MARCHF1: variants seen among roughly 807,000 people sequenced by gnomAD.
MARCHF1 encodes E3 ubiquitin-protein ligase MARCHF1.
MARCHF1 carries 40 observed loss-of-function variants against 54.2 expected under a neutral mutation model. The ratio of observed to expected loss-of-function variants is 0.74; its 90% CI spans 0.57 to 0.96. The LOEUF (loss-of-function observed/expected upper bound fraction) is 0.96. Ranked by LOEUF, MARCHF1 falls within the 40% of genes least tolerant of loss-of-function variation. MARCHF1 has a pLI of 0.00. For synonymous variants in MARCHF1, 236 were observed against 236.3 expected (o/e 1.00, Z 0.01); for missense variants, 586 against 656.5 (o/e 0.89, Z 1.17).
chr4:164,206,400 G>C (rs879711678), intron 1 of MARCHF1, among the ~76,000 whole-genome samples: 1 of 152,150 alleles, frequency 6.6e-6, no homozygotes, highest in Non-Finnish European at 1.5e-5. Context: ...TCATGCCATT[G>C]TACTCCAGCC....
chr4:163,648,459 C>T (rs1742840240), intron 5 of MARCHF1, among the ~76,000 whole-genome samples: 2 of 151,660 alleles, frequency 1.3e-5, no homozygotes, highest in Admixed American at 6.6e-5. Context: ...GTTTCTTAAA[C>T]ATTTGAATAA....
chr4:163,828,204 T>C (rs1049396363), intron 4 of MARCHF1, among the ~76,000 whole-genome samples: 3 of 152,202 alleles, frequency 2.0e-5, no homozygotes, highest in Middle Eastern at 3.2e-3. Context: ...ATTAGATTGG[T>C]GCAAAAGTAA....
intron 4 of MARCHF1, among the ~76,000 whole-genome samples, chr4:163,811,010 T>C (rs1305609846): frequency 1.3e-5 from 2 of 152,168 alleles, no homozygotes; most frequent in Admixed American, 1.3e-4. Flanking sequence ...TTGGGTTAGC[T>C]TAAGAAGTTT....
intron 5 of MARCHF1, among the ~76,000 whole-genome samples, chr4:163,653,022 A>G (rs1366152352): frequency 1.3e-5 from 2 of 151,818 alleles, no homozygotes; most frequent in African/African-American, 2.4e-5. Flanking sequence ...AAAAAAGAAA[A>G]TGCATCAGGT....
At chr4:163,987,333 A>C (rs1015786073) in intron 3 of MARCHF1, among the ~76,000 whole-genome samples, 1 of 152,222 alleles carries the variant, frequency 6.6e-6, no homozygotes, top group Non-Finnish European at 1.5e-5. Context: ...AATCTCCCAA[A>C]GTTATCTACA....
intron 1 of MARCHF1, among the ~76,000 whole-genome samples, chr4:164,212,857 G>T (rs1392576438): frequency 6.6e-6 from 1 of 151,974 alleles, no homozygotes; most frequent in African/African-American, 2.4e-5. Context: ...CCAAGGTATT[G>T]TGTTTATGCA....
chr4:163,896,098 T>G (rs1385609439), intron 3 of MARCHF1, among the ~76,000 whole-genome samples: 19 of 152,230 alleles, frequency 1.2e-4, no homozygotes, highest in Admixed American at 1.2e-3. Context: ...ACACTTTCAT[T>G]TTTTTCACTG....
chr4:164,053,767 T>A (rs562330218), intron 2 of MARCHF1, among the ~76,000 whole-genome samples: 2 of 152,328 alleles, frequency 1.3e-5, no homozygotes, highest in African/African-American at 4.8e-5. Context: ...ACAAACTATA[T>A]CCAGAGTTGG....
chr4:164,026,267 G>C lies in MARCHF1; in HGVS notation c.-247-37558C>G, dbSNP rs185498547. Among the ~76,000 whole-genome samples the C allele has an allele frequency of 9.2e-5, 14 of 152,054 alleles. No individual in the cohort carries two copies. The East Asian group carries it at 2.7e-3, about 29-fold the overall frequency. On this transcript the variant is annotated intron_variant, in intron 2 of 9. Coordinates refer to ENST00000514618, the MANE Select transcript of MARCHF1 (RefSeq NM_001394959.1). ...AACATCAGCTTGATACCAAAATCTG[G>C]CAGAGACACAGTGAAAAAGAAAACT...
chr4:163,719,654 A>G (rs1745380281), intron 4 of MARCHF1, among the ~76,000 whole-genome samples: 1 of 151,750 alleles, frequency 6.6e-6, no homozygotes, highest in East Asian at 1.9e-4. Context: ...CCAACAGTGT[A>G]AAAGTGTTCC....
chr4:163,968,068 A>AT (rs1207857057), intron 3 of MARCHF1, among the ~76,000 whole-genome samples: 1 of 152,144 alleles, frequency 6.6e-6, no homozygotes, highest in Non-Finnish European at 1.5e-5. Flanking sequence ...ATTCATAAAA[A>AT]TTTCCCCTGC....
At chr4:164,019,919 C>G (rs554042613) in intron 2 of MARCHF1, among the ~76,000 whole-genome samples, 5 of 152,254 alleles carry the variant, frequency 3.3e-5, no homozygotes, top group African/African-American at 1.2e-4. Context: ...CTAAGAAAAG[C>G]TGTCGGGAAA....
At chr4:163,769,743 T>C (rs1362697927) in intron 4 of MARCHF1, among the ~76,000 whole-genome samples, 1 of 152,174 alleles carries the variant, frequency 6.6e-6, no homozygotes, top group East Asian at 1.9e-4. Flanking sequence ...GCACACTTAA[T>C]TACAAATGAG....
At chr4:164,197,307 GAGA>G (rs1471246133) in intron 1 of MARCHF1, 1 of 1,611,992 alleles carries the variant, frequency 6.2e-7, no homozygotes, top group East Asian at 2.2e-5. Context: ...TGAGTTGCAG[GAGA>G]AGCTTGAACA....
intron 1 of MARCHF1, among the ~76,000 whole-genome samples, chr4:164,240,991 G>A (rs776174377): frequency 3.9e-5 from 6 of 152,104 alleles, no homozygotes; most frequent in African/African-American, 1.2e-4. Context: ...GAGGTCACAC[G>A]ACTGGGGACT....
intron 9 of MARCHF1, among the ~76,000 whole-genome samples, chr4:163,542,984 A>C (rs11731584): frequency 0.41 from 62,437 of 151,882 alleles, 13,583 homozygotes; most frequent in Admixed American, 0.53. Context: ...CTGGAAGGAA[A>C]TGTTTTACAG....
chr4:163,889,756 G>A (rs1202604085), intron 3 of MARCHF1, among the ~76,000 whole-genome samples: 1 of 151,350 alleles, frequency 6.6e-6, no homozygotes. Context: ...TCCTTAGCTG[G>A]TGGCTCTGAC....
chr4:163,803,183 G>GT (rs551252335), intron 4 of MARCHF1, among the ~76,000 whole-genome samples: 1 of 151,946 alleles, frequency 6.6e-6, no homozygotes, highest in Non-Finnish European at 1.5e-5. Flanking sequence ...ATTATTAATT[G>GT]TTTTTTTGAG....
At chr4:164,170,386 T>C (rs1730489659) in intron 1 of MARCHF1, among the ~76,000 whole-genome samples, 1 of 152,044 alleles carries the variant, frequency 6.6e-6, no homozygotes, top group South Asian at 2.1e-4. Flanking sequence ...TGTTTTAGCT[T>C]ATATACTCTC....
Sources: allele counts gnomAD v4.1 joint callset (sites outside exome capture counted in the v4.1 genomes callset), GRCh38; gene constraint gnomAD v4.1.1; transcripts MANE v1.5; gene names NCBI Gene and HGNC (gene_info 2026-07-23, HGNC 2026-07-21).